Variants in EFCAB6 observed in about 807,000 individuals in gnomAD.
EFCAB6 encodes the protein EF-hand calcium-binding domain-containing protein 6.
Under a neutral mutation model 169.8 loss-of-function variants are expected in EFCAB6, and 156 were observed. The ratio of observed to expected loss-of-function variants is 0.92; its 90% CI spans 0.81 to 1.05. The LOEUF is 1.05. EFCAB6 is among the 50% of genes least tolerant of loss of function. The probability of loss-of-function intolerance (pLI) is 0.00; values close to 1 mark genes in which losing one functional copy is unlikely to be tolerated. For synonymous variants in EFCAB6, 698 were observed against 676.4 expected (o/e 1.03, Z -0.50); for missense variants, 1,800 against 1,829.1 (o/e 0.98, Z 0.29).
At chr22:43,718,787 C>T (rs982345647) in intron 8 of EFCAB6, among the ~76,000 whole-genome samples, 1 of 152,012 alleles carries the variant, frequency 6.6e-6, no homozygotes, top group East Asian at 1.9e-4. Flanking sequence ...CTCAAATAAC[C>T]GTAATAATAA....
intron 2 of EFCAB6, among the ~76,000 whole-genome samples, chr22:43,801,110 C>T (rs1383883426): frequency 6.6e-6 from 1 of 152,096 alleles, no homozygotes; most frequent in African/African-American, 2.4e-5. Context: ...TATAAAGGTG[C>T]TCCCATTCAT....
intron 10 of EFCAB6, among the ~76,000 whole-genome samples, chr22:43,697,003 T>C (rs1424568460): frequency 6.6e-6 from 1 of 152,154 alleles, no homozygotes; most frequent in African/African-American, 2.4e-5. Flanking sequence ...TAAACAATTG[T>C]TTACAGAGGA....
chr22:43,725,508 C>G (rs1477175282), intron 8 of EFCAB6, among the ~76,000 whole-genome samples: 1 of 152,180 alleles, frequency 6.6e-6, no homozygotes, highest in African/African-American at 2.4e-5. Flanking sequence ...GGGCAGAGCC[C>G]TCATGACTCA....
chr22:43,611,063 G>T (rs904770606), intron 21 of EFCAB6, among the ~76,000 whole-genome samples: 3 of 152,142 alleles, frequency 2.0e-5, no homozygotes, highest in Non-Finnish European at 4.4e-5. Context: ...TATTCTATGA[G>T]ACCAGTATTG....
intron 20 of EFCAB6, among the ~76,000 whole-genome samples, chr22:43,619,297 A>C (rs1378480335): frequency 2.6e-5 from 4 of 152,252 alleles, no homozygotes; most frequent in African/African-American, 2.4e-5. Context: ...TAGGACTTGC[A>C]GTCTAAAACT....
intron 17 of EFCAB6, among the ~76,000 whole-genome samples, chr22:43,666,691 G>GTTTTTTTTTTT (rs137764): frequency 2.6e-5 from 2 of 77,882 alleles, no homozygotes; most frequent in Non-Finnish European, 4.6e-5. Context: ...CTGCCAGATT[G>GTTTTTTTTTTT]TTTTTTTTTT....
At chr22:43,710,101 G>T (rs761278942) in intron 10 of EFCAB6, among the ~76,000 whole-genome samples, 25 of 152,134 alleles carry the variant, frequency 1.6e-4, no homozygotes, top group Middle Eastern at 3.2e-3. Context: ...CCCCAAAAAA[G>T]GTTCTCTGTC....
chr22:43,720,030 A>T (rs1238418920), intron 8 of EFCAB6, among the ~76,000 whole-genome samples: 1 of 152,248 alleles, frequency 6.6e-6, no homozygotes, highest in African/African-American at 2.4e-5. Context: ...ACACAAAAAA[A>T]GGTATCCATG....
At chr22:43,704,952 A>C (rs2058901484) in intron 10 of EFCAB6, among the ~76,000 whole-genome samples, 2 of 152,138 alleles carry the variant, frequency 1.3e-5, no homozygotes, top group Admixed American at 1.3e-4. Flanking sequence ...TAAAAAAGAC[A>C]TAGAGTGACC....
At chr22:43,644,959 C>A (rs1209223371) in intron 17 of EFCAB6, among the ~76,000 whole-genome samples, 1 of 152,152 alleles carries the variant, frequency 6.6e-6, no homozygotes, top group Non-Finnish European at 1.5e-5. Context: ...ACATTCCCTC[C>A]CTTACTCTTC....
intron 20 of EFCAB6, among the ~76,000 whole-genome samples, chr22:43,617,731 G>A (rs1349950960): frequency 6.6e-6 from 1 of 152,160 alleles, no homozygotes; most frequent in Non-Finnish European, 1.5e-5. Flanking sequence ...CAGACACAAT[G>A]ACTAGCAATG....
chr22:43,721,771 G>T (rs1431688894), intron 8 of EFCAB6, among the ~76,000 whole-genome samples: 1 of 152,030 alleles, frequency 6.6e-6, no homozygotes, highest in East Asian at 1.9e-4. Context: ...GTAAATGGAA[G>T]ACCTCAAACT....
chr22:43,611,170 T>C (rs778001147), intron 21 of EFCAB6, among the ~76,000 whole-genome samples: 2 of 152,188 alleles, frequency 1.3e-5, no homozygotes, highest in African/African-American at 4.8e-5. Flanking sequence ...TCACCAGTCA[T>C]AGCATTGAAC....
intron 10 of EFCAB6, among the ~76,000 whole-genome samples, chr22:43,688,677 C>A (rs2058291936): frequency 6.6e-6 from 1 of 152,212 alleles, no homozygotes; most frequent in South Asian, 2.1e-4. Context: ...AGGATTAGAG[C>A]TAATAGGTCA....
intron 4 of EFCAB6, among the ~76,000 whole-genome samples, chr22:43,767,648 C>T (rs578185901): frequency 1.3e-5 from 2 of 152,306 alleles, no homozygotes; most frequent in South Asian, 2.1e-4. Context: ...TGCCCGGCAC[C>T]GCCATGAGTG....
In EFCAB6 at chr22:43,773,118, C is replaced by G. The variant is rs373600431; in HGVS notation, c.140-15G>C. 7 of 1,612,794 alleles carry G rather than the reference C, an allele frequency of 4.3e-6. No homozygotes were observed. Among genetic ancestry groups the G allele is most frequent in the Non-Finnish European group, 5.9e-6 (7 of 1,179,130 alleles). On this transcript the variant is annotated splice_polypyrimidine_tract_variant and intron_variant, in intron 3 of 31. Coordinates refer to ENST00000262726, the MANE Select transcript of EFCAB6 (RefSeq NM_022785.4). ...AACAGCTGTGGCTATAAAAGAGATACAGCTATTTATTAAACATGTTTAAAG... is the reference window on the plus strand; with the variant it reads ...AACAGCTGTGGCTATAAAAGAGATAGAGCTATTTATTAAACATGTTTAAAG...
At chr22:43,715,614 G>T (rs1469365126) in intron 9 of EFCAB6, among the ~76,000 whole-genome samples, 1 of 152,032 alleles carries the variant, frequency 6.6e-6, no homozygotes, top group Non-Finnish European at 1.5e-5. Context: ...CACTGATCCA[G>T]CCGTCCTTCT....
At chr22:43,596,802 A>G (rs1453512036) in intron 23 of EFCAB6, among the ~76,000 whole-genome samples, 4 of 152,180 alleles carry the variant, frequency 2.6e-5, no homozygotes, top group Admixed American at 2.6e-4. Context: ...AAGCAATCCT[A>G]AGCAAAAAGA....
At chr22:43,796,661 T>A (rs1569493778) in intron 2 of EFCAB6, among the ~76,000 whole-genome samples, 1 of 151,876 alleles carries the variant, frequency 6.6e-6, no homozygotes, top group Non-Finnish European at 1.5e-5. Flanking sequence ...CCTTTTAAAA[T>A]GTAAGAGCTG....
Sources: gnomAD v4.1 joint callset for allele counts (sites outside exome capture counted in the v4.1 genomes callset) on GRCh38, gnomAD v4.1.1 for gene constraint, MANE v1.5 for transcripts, NCBI Gene and HGNC (gene_info 2026-07-23, HGNC 2026-07-21) for gene names.